The following EPS15 variants were observed in gnomAD, a reference collection of about 807,000 sequenced individuals.
The protein encoded by EPS15 is epidermal growth factor receptor substrate 15.
A neutral mutation model predicts 113.8 loss-of-function variants in EPS15; 72 were observed. That is an observed-to-expected ratio of 0.63 (90% CI 0.52 to 0.77). EPS15 has a LOEUF of 0.77. Ranked by LOEUF, EPS15 falls within the 30% of genes least tolerant of loss-of-function variation. EPS15 has a pLI of 0.00. For synonymous variants in EPS15, 344 were observed against 363.4 expected, an observed-to-expected ratio of 0.95 and a Z score of 0.61; for missense variants, 1,048 against 1,045.8, an observed-to-expected ratio of 1.00 and a Z score of -0.03.
At chr1:51,512,939 T>G (rs1292674819) in intron 1 of EPS15, among the ~76,000 whole-genome samples, 1 of 149,286 alleles carries the variant, frequency 6.7e-6, no homozygotes, top group African/African-American at 2.5e-5. Context: ...AACCTGCTAA[T>G]CATAGCTCAC....
At chr1:51,461,548 G>T (rs1007849778) in intron 7 of EPS15, among the ~76,000 whole-genome samples, 4 of 119,244 alleles carry the variant, frequency 3.4e-5, no homozygotes, top group African/African-American at 1.3e-4. Flanking sequence ...AAAAAAAAAA[G>T]TGTACTGTTG....
intron 21 of EPS15, among the ~76,000 whole-genome samples, chr1:51,374,388 G>A (rs775871939): frequency 1.3e-4 from 20 of 152,186 alleles, no homozygotes; most frequent in South Asian, 4.1e-4. Context: ...AGGCTAAGGC[G>A]GGTGGATCAC....
At chr1:51,360,801 T>C (rs533631204) in intron 24 of EPS15, among the ~76,000 whole-genome samples, 1 of 152,138 alleles carries the variant, frequency 6.6e-6, no homozygotes, top group South Asian at 2.1e-4. Flanking sequence ...AACTTATTAC[T>C]GGCATTATTC....
chr1:51,387,619 A>C (rs1050314157), intron 21 of EPS15, among the ~76,000 whole-genome samples: 3 of 152,216 alleles, frequency 2.0e-5, no homozygotes, highest in Admixed American at 6.5e-5. Context: ...AGAAGGATGG[A>C]GGAAGATCTA....
Position 51,357,426 on chromosome 1 carries a change from A to ATT in EPS15, c.2545-582_2545-581dup, listed in dbSNP as rs570842498. Among the ~76,000 whole-genome samples, 533 of 53,404 alleles carry ATT rather than the reference A, an allele frequency of 1.0e-2. 11 individuals carry two copies. The highest frequency in any genetic ancestry group is 0.021 in the Middle Eastern group (1 of 48). The allele number at this position is 53,404 out of a possible 152,430, so 35.0% of individuals were successfully genotyped here. ...TATATATATATATATATATATATAT[A>ATT]TTTTTTTTTTTTAAATGTGATATAT... On this transcript the variant is annotated intron_variant, in intron 24 of 24. Transcript: ENST00000371733.
intron 20 of EPS15, 26 bp downstream of exon 20, chr1:51,399,006 T>G: frequency 1.9e-6 from 3 of 1,600,520 alleles, no homozygotes; most frequent in Non-Finnish European, 2.6e-6. Context: ...CCATTTAACT[T>G]AACAGTTTTT....
chr1:51,357,420 ATATATATTT>A (rs1214216039), intron 24 of EPS15, among the ~76,000 whole-genome samples: 32 of 68,774 alleles, frequency 4.7e-4, no homozygotes, highest in African/African-American at 1.9e-3. Context: ...ATATATATAT[ATATATATTT>A]TTTTTTTTTA....
intron 1 of EPS15, among the ~76,000 whole-genome samples, chr1:51,505,957 G>A (rs2148557479): frequency 6.6e-6 from 1 of 152,188 alleles, no homozygotes; most frequent in African/African-American, 2.4e-5. Flanking sequence ...CGCAATCTTG[G>A]CTCACTACAA....
chr1:51,485,389 T>C (rs1471308929), intron 1 of EPS15, among the ~76,000 whole-genome samples: 2 of 152,174 alleles, frequency 1.3e-5, no homozygotes, highest in African/African-American at 2.4e-5. Context: ...CTCTAGAAAT[T>C]GGTTGCATAC....
intron 21 of EPS15, among the ~76,000 whole-genome samples, chr1:51,377,053 G>C (rs1336219847): frequency 6.6e-6 from 1 of 152,086 alleles, no homozygotes; most frequent in Non-Finnish European, 1.5e-5. Flanking sequence ...GATCGCCTGA[G>C]GTCAGCAGTT....
At chr1:51,492,662 G>C (rs1644255069) in intron 1 of EPS15, among the ~76,000 whole-genome samples, 1 of 151,952 alleles carries the variant, frequency 6.6e-6, no homozygotes, top group Admixed American at 6.6e-5. Flanking sequence ...TTCATCAGAA[G>C]ACTTAGTGAG....
intron 2 of EPS15, among the ~76,000 whole-genome samples, chr1:51,474,701 C>CT (rs959205349): frequency 8.6e-5 from 13 of 151,720 alleles, no homozygotes; most frequent in African/African-American, 3.1e-4. Flanking sequence ...TATTATTATA[C>CT]TTTAAGTTCT....
intron 5 of EPS15, among the ~76,000 whole-genome samples, chr1:51,465,755 AATGC>A (rs1188270348): frequency 1.3e-5 from 2 of 152,156 alleles, no homozygotes; most frequent in African/African-American, 2.4e-5. Context: ...GCATGACTGT[AATGC>A]ACGTAGGCAA....
chr1:51,439,173 A>T (rs556715540), intron 12 of EPS15, among the ~76,000 whole-genome samples: 70 of 152,226 alleles, frequency 4.6e-4, no homozygotes, highest in African/African-American at 1.6e-3. Context: ...GGAGAGCAAG[A>T]GAACTGATTA....
At chr1:51,472,046 A>C (rs1655278590) in intron 3 of EPS15, among the ~76,000 whole-genome samples, 2 of 149,948 alleles carry the variant, frequency 1.3e-5, no homozygotes, top group Admixed American at 6.6e-5. Context: ...CATTAGTGTT[A>C]ATGTATTTTA....
chr1:51,475,092 T>C (rs1570384552), intron 2 of EPS15, among the ~76,000 whole-genome samples: 1 of 152,158 alleles, frequency 6.6e-6, no homozygotes, highest in Non-Finnish European at 1.5e-5. Flanking sequence ...TGATGGACAT[T>C]TGGGTTGGTT....
intron 1 of EPS15, among the ~76,000 whole-genome samples, chr1:51,482,433 T>C (rs1644037006): frequency 6.6e-6 from 1 of 152,090 alleles, no homozygotes; most frequent in Non-Finnish European, 1.5e-5. Flanking sequence ...GATAAGATTA[T>C]AAAATTTTGT....
chr1:51,473,965 A>G (rs996140694), intron 2 of EPS15, among the ~76,000 whole-genome samples: 61 of 152,314 alleles, frequency 4.0e-4, no homozygotes, highest in African/African-American at 1.4e-3. Context: ...AATTCTTCAG[A>G]ACTCCTTTTC....
At chr1:51,399,781 G>A (rs1009883284) in intron 19 of EPS15, among the ~76,000 whole-genome samples, 2 of 152,050 alleles carry the variant, frequency 1.3e-5, no homozygotes, top group Admixed American at 6.6e-5. Context: ...ATAATAGCTT[G>A]AGCATGGGAG....
Sources: gnomAD v4.1 joint callset for allele counts (sites outside exome capture counted in the v4.1 genomes callset) on GRCh38, gnomAD v4.1.1 for gene constraint, MANE v1.5 for transcripts, NCBI Gene and HGNC (gene_info 2026-07-23, HGNC 2026-07-21) for gene names.